IMMP2L: variants seen among roughly 807,000 people sequenced by gnomAD.
IMMP2L encodes the protein inner mitochondrial membrane peptidase subunit 2, also known as mitochondrial inner membrane protease subunit 2.
In IMMP2L, 18 loss-of-function variants were observed where a neutral mutation model predicts 19.3. That is an observed-to-expected ratio of 0.93 (90% CI 0.64 to 1.38). The LOEUF (loss-of-function observed/expected upper bound fraction) is 1.38. IMMP2L is among the 40% of genes most tolerant of loss of function. The probability of loss-of-function intolerance (pLI) is 0.00; values close to 1 mark genes in which losing one functional copy is unlikely to be tolerated. For synonymous variants in IMMP2L, 76 were observed against 73.0 expected (o/e 1.04, Z -0.21); for missense variants, 233 against 218.2 (o/e 1.07, Z -0.43).
chr7:111,060,763 T>C (rs1473430596), intron 3 of IMMP2L, among the ~76,000 whole-genome samples: 1 of 152,250 alleles, frequency 6.6e-6, no homozygotes, highest in Admixed American at 6.5e-5. Flanking sequence ...TGCATCAATA[T>C]GGATACTTGT....
intron 3 of IMMP2L, among the ~76,000 whole-genome samples, chr7:111,143,458 G>T (rs1159098179): frequency 1.3e-5 from 2 of 152,018 alleles, no homozygotes; most frequent in Non-Finnish European, 2.9e-5. Context: ...GATGTTCCCC[G>T]TGAAAGACCA....
At chr7:110,763,890 A>C (rs1421040852) in intron 5 of IMMP2L, among the ~76,000 whole-genome samples, 2 of 152,214 alleles carry the variant, frequency 1.3e-5, no homozygotes, top group Admixed American at 1.3e-4. Flanking sequence ...TGTTCTTCCA[A>C]TCTTGCTTGC....
intron 5 of IMMP2L, among the ~76,000 whole-genome samples, chr7:110,670,218 G>A (rs1374354112): frequency 1.3e-5 from 2 of 152,138 alleles, no homozygotes; most frequent in African/African-American, 4.8e-5. Flanking sequence ...AACATAGCAA[G>A]AAGGTGGCAT....
chr7:110,801,455 T>C lies in IMMP2L; in HGVS notation c.408+85138A>G, dbSNP rs145134988. ...CTTTGGTCATTGTTCTTATGAGAAC[T>C]AACTCAGTTGACTGAGACACTGAAC... On this transcript the variant is annotated intron_variant, in intron 5 of 5. Transcript: ENST00000405709. 2.5e-3 allele frequency among the ~76,000 whole-genome samples: 380 copies of C among 152,248 alleles called. 2 individuals carry two copies. The highest frequency in any genetic ancestry group is 8.5e-3 in the African/African-American group (353 of 41,584).
intron 1 of IMMP2L, among the ~76,000 whole-genome samples, chr7:111,552,829 G>T (rs986031634): frequency 6.6e-6 from 1 of 152,088 alleles, no homozygotes; most frequent in Non-Finnish European, 1.5e-5. Flanking sequence ...ACTTCCACAG[G>T]TAAGTCATAA....
chr7:111,386,508 A>T lies in IMMP2L; in HGVS notation c.239+100730T>A, dbSNP rs535308340. ...TATTTCTAAGCATGCCAGCTACTCA[A>T]ATTCAAGTGTGAAGGTATGTGTATT... On this transcript the variant is annotated intron_variant, in intron 3 of 5. Coordinates refer to ENST00000405709, the MANE Select transcript of IMMP2L (RefSeq NM_032549.4). 5.9e-5 allele frequency among the ~76,000 whole-genome samples: 9 copies of T among 152,262 alleles called. No homozygotes were observed. In the East Asian group the frequency reaches 1.7e-3, roughly 29 times the overall value.
intron 3 of IMMP2L, among the ~76,000 whole-genome samples, chr7:111,367,390 T>A (rs1188863823): frequency 6.6e-6 from 1 of 151,874 alleles, no homozygotes; most frequent in Non-Finnish European, 1.5e-5. Flanking sequence ...CCTACTGGGT[T>A]AAAAGCATAA....
intron 5 of IMMP2L, among the ~76,000 whole-genome samples, chr7:110,682,055 T>C (rs543279444): frequency 1.3e-5 from 2 of 152,314 alleles, no homozygotes; most frequent in East Asian, 1.9e-4. Context: ...AGGCCCTTCA[T>C]AAATGTTCCT....
chr7:111,273,707 T>C (rs1755202178), intron 3 of IMMP2L, among the ~76,000 whole-genome samples: 2 of 152,040 alleles, frequency 1.3e-5, no homozygotes, highest in African/African-American at 4.8e-5. Context: ...TATACAGAGG[T>C]TACGGTTAGG....
chr7:111,337,277 T>G (rs1826522987), intron 3 of IMMP2L, among the ~76,000 whole-genome samples: 1 of 152,114 alleles, frequency 6.6e-6, no homozygotes, highest in African/African-American at 2.4e-5. Flanking sequence ...CAAATAGATA[T>G]TGATTTGCCT....
intron 4 of IMMP2L, 103 bp downstream of exon 4, chr7:110,963,397 A>G: frequency 1.3e-6 from 1 of 759,616 alleles, no homozygotes; most frequent in Non-Finnish European, 2.2e-6. Context: ...AATGTCTCCA[A>G]AACTTTGGCC....
chr7:111,286,195 T>G, intron 3 of IMMP2L, among the ~76,000 whole-genome samples: 1 of 152,254 alleles, frequency 6.6e-6, no homozygotes, highest in South Asian at 2.1e-4. Context: ...GAAGTACAGT[T>G]AGAGATGCAC....
chr7:110,987,862 C>T lies in IMMP2L; in HGVS notation c.240-24297G>A, dbSNP rs567733695. The stretch of plus-strand genomic sequence containing the variant: ...TAATTAAAATTGCATTTGTTACTGT[C>T]TCAGCTTAAGGTCTTGAATCTCCCC... On this transcript the variant is annotated intron_variant, in intron 3 of 5. Coordinates refer to ENST00000405709, the MANE Select transcript of IMMP2L (RefSeq NM_032549.4). Among the ~76,000 whole-genome samples the T allele has an allele frequency of 2.0e-4, 30 of 152,224 alleles. No individual in the cohort carries two copies. The South Asian group carries it at 5.4e-3, about 27-fold the overall frequency.
At chr7:110,855,383 T>C (rs1806654545) in intron 5 of IMMP2L, among the ~76,000 whole-genome samples, 1 of 151,992 alleles carries the variant, frequency 6.6e-6, no homozygotes, top group Non-Finnish European at 1.5e-5. Context: ...TAGTATGATA[T>C]GTAAGAAGTT....
At chr7:111,139,074 C>A (rs536993222) in intron 3 of IMMP2L, among the ~76,000 whole-genome samples, 2 of 151,400 alleles carry the variant, frequency 1.3e-5, no homozygotes, top group Admixed American at 1.3e-4. Flanking sequence ...GAATAATGAA[C>A]AAATAAATGA....
intron 1 of IMMP2L, among the ~76,000 whole-genome samples, chr7:111,534,274 A>T (rs1847670419): frequency 6.6e-6 from 1 of 152,144 alleles, no homozygotes; most frequent in African/African-American, 2.4e-5. Flanking sequence ...ATGTTCACAA[A>T]TATGTAAATA....
At chr7:111,407,825 TAAA>T (rs914946870) in intron 3 of IMMP2L, among the ~76,000 whole-genome samples, 15 of 151,826 alleles carry the variant, frequency 9.9e-5, no homozygotes, top group African/African-American at 3.6e-4. Context: ...AATAAAGACA[TAAA>T]AAAGAAAAAT....
intron 4 of IMMP2L, among the ~76,000 whole-genome samples, chr7:110,912,366 T>A (rs1335915046): frequency 6.6e-6 from 1 of 152,050 alleles, no homozygotes; most frequent in East Asian, 1.9e-4. Flanking sequence ...GTAAGTAACT[T>A]AAAAATTATA....
chr7:111,561,673 A>G (rs530906631), intron 1 of IMMP2L, among the ~76,000 whole-genome samples, 178 bp downstream of exon 1: 4 of 152,228 alleles, frequency 2.6e-5, no homozygotes. Flanking sequence ...GTGAGGCTGA[A>G]AACAGTCCGG....
Sources: allele counts gnomAD v4.1 joint callset (sites outside exome capture counted in the v4.1 genomes callset), GRCh38; gene constraint gnomAD v4.1.1; transcripts MANE v1.5; gene names NCBI Gene and HGNC (gene_info 2026-07-23, HGNC 2026-07-21).